Variants in SCPEP1 observed in about 807,000 individuals in gnomAD.
SCPEP1 encodes the protein retinoid-inducible serine carboxypeptidase.
A neutral mutation model predicts 63.8 loss-of-function variants in SCPEP1; 51 were observed. That is an observed-to-expected ratio of 0.80 (90% confidence interval 0.64 to 1.01). SCPEP1 has a LOEUF of 1.01. SCPEP1 is among the 50% of genes least tolerant of loss of function. The pLI is 0.00. For synonymous variants in SCPEP1, 204 were observed against 207.8 expected (o/e 0.98, Z 0.16); for missense variants, 499 against 554.9 (o/e 0.90, Z 1.01).
chr17:56,979,083 C>A (rs1380880473), intron 1 of SCPEP1, among the ~76,000 whole-genome samples: 1 of 152,140 alleles, frequency 6.6e-6, no homozygotes, highest in East Asian at 1.9e-4. Flanking sequence ...GTATATAGAA[C>A]CTTATAGCTA....
chr17:56,981,997 G>A (rs1490390116), intron 2 of SCPEP1, among the ~76,000 whole-genome samples: 3 of 152,126 alleles, frequency 2.0e-5, no homozygotes, highest in African/African-American at 7.2e-5. Context: ...TGACTGTTGC[G>A]CCTTCCCCCT....
intron 5 of SCPEP1, 34 bp downstream of exon 5, chr17:56,988,324 G>A: frequency 6.6e-7 from 1 of 1,520,042 alleles, no homozygotes; most frequent in Non-Finnish European, 9.1e-7. Context: ...TATGGTTTTG[G>A]ACAGAAAATC....
rs1306738397 is a variant in SCPEP1 at position 56,995,643 on chromosome 17, G to T, written c.786+8G>T. 5.0e-6 allele frequency: 8 copies of T among 1,613,372 alleles called. No homozygotes were observed. The Admixed American group carries it at 1.2e-4, about 24-fold the overall frequency. ...GAAATGATCATTGAACAGGTAAAAA[G>T]GGGAAACACTCAGAGGCGAGCCTGC... On this transcript the variant is annotated splice_region_variant and intron_variant, in intron 8 of 12. Transcript: ENST00000262288.
At chr17:56,988,987 G>C (rs1911305322) in intron 5 of SCPEP1, among the ~76,000 whole-genome samples, 1 of 151,310 alleles carries the variant, frequency 6.6e-6, no homozygotes, top group African/African-American at 2.4e-5. Flanking sequence ...AGGAGTTCCA[G>C]ACCAGCCTGG....
At chr17:56,992,681 T>C (rs1911436346) in intron 6 of SCPEP1, among the ~76,000 whole-genome samples, 1 of 152,204 alleles carries the variant, frequency 6.6e-6, no homozygotes, top group African/African-American at 2.4e-5. Flanking sequence ...GGATGGATGC[T>C]ATCATTATCC....
At chr17:56,996,166 ATTTC>A (rs1911552034) in intron 8 of SCPEP1, among the ~76,000 whole-genome samples, 1 of 151,972 alleles carries the variant, frequency 6.6e-6, no homozygotes, top group African/African-American at 2.4e-5. Flanking sequence ...TCAGAGCTGC[ATTTC>A]TTTCTTTATT....
intron 2 of SCPEP1, chr17:56,984,122 G>T: frequency 6.6e-6 from 1 of 152,304 alleles, no homozygotes; most frequent in Non-Finnish European, 1.5e-5. Context: ...GGCCAGGGAG[G>T]ACTTGAACTC....
Position 56,996,992 on chromosome 17 carries a change from T to G in SCPEP1, c.817T>G (p.Leu273Val), listed in dbSNP as rs200476122. ...AGATGGGGTGAACTTCTATAACATC[T>G]TAACTAAAAGCACTCCCACGTCTAC... ...NTDGVNFYNI[L>V]TKSTPTSTME... The change falls in exon 9 of 13, where the codon TTA becomes GTA. Residue 273 changes from leucine (L) to valine (V), a missense_variant. Leu to Val is a conservative substitution (Grantham distance 32). Transcript: ENST00000262288. 1.9e-6 allele frequency: 3 copies of G among 1,610,232 alleles called. No individual in the cohort carries two copies. Among genetic ancestry groups the G allele is most frequent in the Middle Eastern group, 1.7e-4 (1 of 6,046 alleles).
intron 9 of SCPEP1, among the ~76,000 whole-genome samples, chr17:56,997,608 A>G (rs1471857724): frequency 2.0e-5 from 3 of 152,218 alleles, no homozygotes; most frequent in Admixed American, 2.0e-4. Flanking sequence ...TATAGAATGT[A>G]TAATCAATAC....
chr17:56,998,396 C>T lies in SCPEP1; in HGVS notation c.892C>T (p.Gln298Ter), dbSNP rs1911637816. 1.9e-6 allele frequency: 3 copies of T among 1,612,822 alleles called. No homozygotes were observed. The highest frequency in any genetic ancestry group is 1.1e-5 in the South Asian group (1 of 91,036). Reference sequence around the variant, plus strand: ...CAGTTTGGTTTTAGTTTGTCTTTGTCAGCGCCACGTGAGACACCTACAACG... The same window carrying T: ...CAGTTTGGTTTTAGTTTGTCTTTGTTAGCGCCACGTGAGACACCTACAACG... The part of the protein sequence containing the change: ...FTQSHLVCLC[Q>*]RHVRHLQRDA... The change falls in exon 10 of 13, where the codon CAG becomes TAG. Residue 298 changes from glutamine to a stop codon, truncating the protein, a stop_gained. Transcript: ENST00000262288. LOFTEE classifies it high-confidence loss of function.
chr17:57,004,557 A>G (rs1450854693), intron 12 of SCPEP1, among the ~76,000 whole-genome samples: 1 of 152,130 alleles, frequency 6.6e-6, no homozygotes, highest in African/African-American at 2.4e-5. Flanking sequence ...GGAACCAGAA[A>G]TGTTTCAGAT....
chr17:56,978,359 A>T, intron 1 of SCPEP1, 124 bp downstream of exon 1: 1 of 1,116,368 alleles, frequency 9.0e-7, no homozygotes, highest in Non-Finnish European at 1.2e-6. Flanking sequence ...TTGTGTAATT[A>T]TATTGCTTTT....
chr17:57,003,229 A>C (rs78629382), intron 12 of SCPEP1, among the ~76,000 whole-genome samples: 1 of 152,176 alleles, frequency 6.6e-6, no homozygotes, highest in Non-Finnish European at 1.5e-5. Context: ...TGGACACTGG[A>C]GGGAGGTGGC....
chr17:56,995,660 C>G, intron 8 of SCPEP1, 25 bp downstream of exon 8: 1 of 1,610,128 alleles, frequency 6.2e-7, no homozygotes, highest in Non-Finnish European at 8.5e-7. Flanking sequence ...CACTCAGAGG[C>G]GAGCCTGCTT....
intron 5 of SCPEP1, among the ~76,000 whole-genome samples, chr17:56,989,379 A>G (rs1911317260): frequency 6.6e-6 from 1 of 152,220 alleles, no homozygotes; most frequent in Non-Finnish European, 1.5e-5. Flanking sequence ...GAAGTCAGGG[A>G]AATAAGTGCT....
At chr17:56,991,640 G>A (rs1476375052) in intron 6 of SCPEP1, among the ~76,000 whole-genome samples, 2 of 152,242 alleles carry the variant, frequency 1.3e-5, no homozygotes, top group Non-Finnish European at 2.9e-5. Flanking sequence ...CAACTCAGAA[G>A]TGTGCAGTTT....
intron 1 of SCPEP1, among the ~76,000 whole-genome samples, chr17:56,979,298 T>C (rs1012851228): frequency 6.6e-6 from 1 of 152,138 alleles, no homozygotes; most frequent in Non-Finnish European, 1.5e-5. Context: ...CTTTCTTATT[T>C]ACAAGACGTT....
At chr17:56,982,152 G>A (rs758164329) in intron 2 of SCPEP1, among the ~76,000 whole-genome samples, 15 of 148,086 alleles carry the variant, frequency 1.0e-4, no homozygotes, top group South Asian at 2.3e-4. Flanking sequence ...ACCCCCACCC[G>A]GAAGACCACC....
At chr17:57,003,487 G>A (rs761341482) in intron 12 of SCPEP1, among the ~76,000 whole-genome samples, 3 of 152,152 alleles carry the variant, frequency 2.0e-5, no homozygotes, top group Non-Finnish European at 1.5e-5. Flanking sequence ...GTAATCATTT[G>A]GGGTAGAAAA....
Sources: allele counts gnomAD v4.1 joint callset (sites outside exome capture counted in the v4.1 genomes callset), GRCh38; gene constraint gnomAD v4.1.1; transcripts MANE v1.5; gene names NCBI Gene and HGNC (gene_info 2026-07-23, HGNC 2026-07-21).